Variants in ENAM observed in about 807,000 individuals in gnomAD.
ENAM encodes the protein enamelin.
In ENAM, 21 loss-of-function variants were observed where a neutral mutation model predicts 33.6. The observed-to-expected ratio is 0.63, with a 90% CI of 0.44 to 0.90. The LOEUF (loss-of-function observed/expected upper bound fraction) is 0.90. ENAM is among the 40% of genes least tolerant of loss of function. ENAM has a pLI of 0.00. For synonymous variants in ENAM, 473 were observed against 468.4 expected (o/e 1.01, Z -0.13); for missense variants, 1,388 against 1,366.9 (o/e 1.02, Z -0.24).
chr4:70,630,329 T>C (rs1387230921), intron 2 of ENAM, among the ~76,000 whole-genome samples: 1 of 152,188 alleles, frequency 6.6e-6, no homozygotes, highest in East Asian at 1.9e-4. Flanking sequence ...GCTAGATAGA[T>C]TTTATGTCCA....
intron 8 of ENAM, among the ~76,000 whole-genome samples, chr4:70,639,760 G>A (rs952397674): frequency 1.3e-5 from 2 of 152,100 alleles, no homozygotes; most frequent in African/African-American, 2.4e-5. Context: ...GTGGTGTCAC[G>A]TGCCTGTGGT....
In ENAM at chr4:70,643,598, G is replaced by T; in HGVS notation, c.2172G>T (p.Pro724=). 6.8e-6 allele frequency: 11 copies of T among 1,614,024 alleles called. No homozygotes were observed. The highest frequency in any genetic ancestry group is 9.3e-6 in the Non-Finnish European group (11 of 1,179,990). The change falls in exon 9 of 9, where the codon CCG becomes CCT. Residue 724 remains proline (P), a synonymous_variant. Transcript: ENST00000396073. ...FYYSEFYPWS[P]DENFPSYNTA... ...ACAGTGAATTTTACCCATGGAGCCCGGATGAGAATTTTCCATCATATAATA... is the reference window on the plus strand; with the variant it reads ...ACAGTGAATTTTACCCATGGAGCCCTGATGAGAATTTTCCATCATATAATA...
chr4:70,632,108 G>A (rs561977270), intron 4 of ENAM, among the ~76,000 whole-genome samples: 1 of 152,240 alleles, frequency 6.6e-6, no homozygotes, highest in East Asian at 1.9e-4. Context: ...CCTTTTCAAG[G>A]TAGATGTGGA....
Position 70,643,467 on chromosome 4 carries a change from C to T in ENAM, c.2041C>T (p.Pro681Ser), listed in dbSNP as rs771206826. 1.2e-6 allele frequency: 2 copies of T among 1,614,014 alleles called. No homozygotes were observed. The highest frequency in any genetic ancestry group is 1.1e-5 in the South Asian group (1 of 91,074). The change falls in exon 9 of 9, where the codon CCA (proline) becomes TCA (serine). Residue 681 changes from proline to serine, a missense_variant. Pro to Ser is a moderately conservative substitution (Grantham distance 74, BLOSUM62 -1). Transcript: ENST00000396073. ...WGEELSFKGGPTVRHYEGEQY... is the reference protein window; with the variant it reads ...WGEELSFKGGSTVRHYEGEQY... ...TGAAGAGTTGAGCTTCAAAGGAGGC[C>T]CAACAGTTAGGCACTATGAAGGTGA...
At position 70,643,744 on chromosome 4, in the gene ENAM, A is replaced by C. The variant is rs1427002667; in HGVS notation, c.2318A>C (p.Gln773Pro). The change falls in exon 9 of 9, where the codon CAA becomes CCA. Residue 773 changes from glutamine (Q) to proline (P), a missense_variant. Gln to Pro is a moderately conservative substitution (Grantham distance 76). Transcript: ENST00000396073. Reference protein sequence around the residue: ...RNSWDHRIQAQGQRERRPYFN... With the variant: ...RNSWDHRIQAPGQRERRPYFN... ...TCCTGGGACCACAGGATACAAGCCC[A>C]AGGGCAGAGAGAAAGAAGGCCGTAT... The C allele has an allele frequency of 1.9e-6, 3 of 1,614,094 alleles. No individual in the cohort carries two copies. In the African/African-American group the frequency reaches 4.0e-5, roughly 22 times the overall value.
chr4:70,634,487 A>G lies in ENAM; in HGVS notation c.390A>G (p.Ser130=), dbSNP rs1477723970. 6.2e-7 allele frequency: 1 copy of G among 1,613,996 alleles called. No individual in the cohort carries two copies. Among genetic ancestry groups the G allele is most frequent in the East Asian group, 2.2e-5 (1 of 44,888 alleles). The change falls in exon 6 of 9, where the codon TCA becomes TCG. Residue 130 remains serine (S), a synonymous_variant. Transcript: ENST00000396073. ...QETQKPNQTQ[S]KKPPQKRPLK... is the part of the protein sequence containing the mutation. ...CCCAGAAACCCAACCAGACTCAGTCAAAAAAGCCACCACAAAAGCGGCCTT... is the reference window on the plus strand; with the variant it reads ...CCCAGAAACCCAACCAGACTCAGTCGAAAAAGCCACCACAAAAGCGGCCTT...
Position 70,643,750 on chromosome 4 carries a change from A to G in ENAM, c.2324A>G (p.Gln775Arg), listed in dbSNP as rs572270911. Residue 775 changes from glutamine to arginine, a missense_variant, in exon 9 of 9, where the codon CAG becomes CGG. Transcript: ENST00000396073. ...SWDHRIQAQG[Q>R]RERRPYFNRN... ...GACCACAGGATACAAGCCCAAGGGCAGAGAGAAAGAAGGCCGTATTTTAAC... is the reference window on the plus strand; with the variant it reads ...GACCACAGGATACAAGCCCAAGGGCGGAGAGAAAGAAGGCCGTATTTTAAC... The G allele has an allele frequency of 4.8e-5, 78 of 1,614,204 alleles. No individual in the cohort carries two copies. The South Asian group carries it at 8.5e-4, about 17-fold the overall frequency.
Position 70,629,526 on chromosome 4 carries a change from G to C in ENAM, c.26G>C (p.Gly9Ala), listed in dbSNP as rs751252664. Residue 9 changes from glycine to alanine, a missense_variant, in exon 2 of 9, where the codon GGA becomes GCA. Transcript: ENST00000396073. ...ATGTTGGTGCTTCGGTGCAGGCTTG[G>C]AACCTCTTTTCCTAAACTAGATAAC... MLVLRCRL[G>A]TSFPKLDNLV... 9 of 1,613,326 alleles carry C rather than the reference G, an allele frequency of 5.6e-6. No individual in the cohort carries two copies. The highest frequency in any genetic ancestry group is 3.3e-5 in the South Asian group (3 of 91,064).
intron 7 of ENAM, among the ~76,000 whole-genome samples, chr4:70,636,400 C>T (rs1361279165): frequency 4.6e-5 from 7 of 151,952 alleles, no homozygotes; most frequent in Non-Finnish European, 5.9e-5. Context: ...TTTGGGAGGC[C>T]GAGATGGGTG....
At chr4:70,634,996 T>C (rs943251405) in intron 6 of ENAM, among the ~76,000 whole-genome samples, 1 of 152,190 alleles carries the variant, frequency 6.6e-6, no homozygotes, top group East Asian at 1.9e-4. Context: ...TAAATTAACA[T>C]TGCTTCCAGT....
Position 70,629,476 on chromosome 4 carries a change from G to A in ENAM, c.-25G>A, listed in dbSNP as rs778175689. The A allele has an allele frequency of 1.2e-5, 19 of 1,591,738 alleles. No individual in the cohort carries two copies. Among genetic ancestry groups the A allele is most frequent in the Non-Finnish European group, 1.4e-5 (16 of 1,159,894 alleles). ...GGTTAAAGCTGTATTTTTCTTAAAGGCTTATAAAAATTTTGCTGAAAAAAA... is the reference window on the plus strand; with the variant it reads ...GGTTAAAGCTGTATTTTTCTTAAAGACTTATAAAAATTTTGCTGAAAAAAA... On this transcript the variant is annotated 5_prime_UTR_variant, in exon 2 of 9. Coordinates refer to ENST00000396073, the MANE Select transcript of ENAM (RefSeq NM_031889.3).
chr4:70,629,417 A>G (rs1345998057), intron 1 of ENAM, 24 bp from the exon 2 acceptor site: 3 of 968,190 alleles, frequency 3.1e-6, no homozygotes, highest in African/African-American at 3.2e-5. Context: ...CATTTCATTT[A>G]TTTGTTCCAT....
At chr4:70,629,661 C>T (rs1347033164) in intron 2 of ENAM, 107 bp downstream of exon 2, 1 of 856,012 alleles carries the variant, frequency 1.2e-6, no homozygotes, top group East Asian at 2.4e-5. Context: ...TCAGAAGACT[C>T]AAAGAGCATC....
intron 5 of ENAM, 126 bp downstream of exon 5, chr4:70,632,818 G>T: frequency 2.7e-6 from 2 of 751,452 alleles, no homozygotes; most frequent in South Asian, 1.6e-5. Flanking sequence ...CATTACAAAA[G>T]TTTCAAGGTG....
In ENAM at chr4:70,641,119, T is replaced by C. The variant is rs140742028; in HGVS notation, c.589-896T>C. 2.1e-3 allele frequency among the ~76,000 whole-genome samples: 323 copies of C among 152,314 alleles called. 3 individuals carry two copies. The highest frequency in any genetic ancestry group is 7.2e-3 in the African/African-American group (301 of 41,574). On this transcript the variant is annotated intron_variant, in intron 8 of 8. Coordinates refer to ENST00000396073, the MANE Select transcript of ENAM (RefSeq NM_031889.3). The stretch of plus-strand genomic sequence containing the variant: ...AAGAGAGAGCAGAAACTTAAGAAAC[T>C]GTACAGATAGTGGTGAATGTTGCTT...
At chr4:70,640,403 A>G (rs2609426) in intron 8 of ENAM, among the ~76,000 whole-genome samples, 27,036 of 152,156 alleles carry the variant, frequency 0.18, 5,565 homozygotes, top group African/African-American at 0.51. Flanking sequence ...AAATGTGTCA[A>G]TGGAAGAAGT....
rs74981230 is a variant in ENAM, at chr4:70,643,955, A to C, written c.2529A>C (p.Arg843Ser). The C allele has an allele frequency of 1.9e-4, 302 of 1,614,158 alleles. 2 individuals carry two copies. The East Asian group carries it at 6.7e-3, about 36-fold the overall frequency. Residue 843 changes from arginine (R) to serine (S), a missense_variant, in exon 9 of 9, where the codon AGA becomes AGC. Physicochemically the swap from Arg to Ser is moderately radical, Grantham distance 110. Coordinates refer to ENST00000396073, the MANE Select transcript of ENAM (RefSeq NM_031889.3). ...MQITRMNSPE[R>S]EHSSFPNFIP... ...TAACTAGGATGAATTCTCCAGAGAG[A>C]GAACATTCATCTTTCCCTAACTTCA...
At chr4:70,638,636 T>C (rs1225370490) in intron 8 of ENAM, among the ~76,000 whole-genome samples, 1 of 151,332 alleles carries the variant, frequency 6.6e-6, no homozygotes, top group African/African-American at 2.4e-5. Context: ...AGATTATGTA[T>C]ATATACATTT....
Position 70,644,247 on chromosome 4 carries a change from A to C in ENAM, c.2821A>C (p.Ser941Arg). The change falls in exon 9 of 9, where the codon AGC becomes CGC. Residue 941 changes from serine to arginine, a missense_variant. Coordinates refer to ENST00000396073, the MANE Select transcript of ENAM (RefSeq NM_031889.3). ...GQRNSSEKRESQNPFRDDVST... is the reference protein window; with the variant it reads ...GQRNSSEKRERQNPFRDDVST... ...AAGAAACAGCTCAGAGAAGAGGGAA[A>C]GCCAAAACCCTTTTAGAGATGATGT... The C allele has an allele frequency of 6.2e-7, 1 of 1,614,182 alleles. No homozygotes were observed. Among genetic ancestry groups the C allele is most frequent in the Non-Finnish European group, 8.5e-7 (1 of 1,180,022 alleles).
Sources: allele counts gnomAD v4.1 joint callset (sites outside exome capture counted in the v4.1 genomes callset), GRCh38; gene constraint gnomAD v4.1.1; transcripts MANE v1.5; gene names NCBI Gene and HGNC (gene_info 2026-07-23, HGNC 2026-07-21).